Variants in PTPRN2 observed in about 807,000 individuals in gnomAD.
The protein encoded by PTPRN2 is receptor-type tyrosine-protein phosphatase N2.
PTPRN2 carries 74 observed loss-of-function variants against 118.8 expected under a neutral mutation model. The ratio of observed to expected loss-of-function variants is 0.62; its 90% CI spans 0.52 to 0.76. PTPRN2 has a LOEUF of 0.76. Ranked by LOEUF, PTPRN2 falls within the 30% of genes least tolerant of loss-of-function variation. The pLI, the probability that PTPRN2 is intolerant of heterozygous loss-of-function variation, is 0.00. For synonymous variants in PTPRN2, 641 were observed against 608.0 expected (o/e 1.05, Z -0.80); for missense variants, 1,481 against 1,394.4 (o/e 1.06, Z -0.99).
intron 11 of PTPRN2, among the ~76,000 whole-genome samples, chr7:157,923,881 A>C (rs1469779176): frequency 6.6e-6 from 1 of 152,184 alleles, no homozygotes; most frequent in East Asian, 1.9e-4. Flanking sequence ...AATGGTTGCT[A>C]ACATATCTAC....
At chr7:158,004,833 C>G (rs1805531063) in intron 11 of PTPRN2, among the ~76,000 whole-genome samples, 1 of 152,182 alleles carries the variant, frequency 6.6e-6, no homozygotes. Context: ...CAAATTTCAT[C>G]TTTAAAATGC....
At chr7:158,266,625 A>C (rs916051137) in intron 3 of PTPRN2, among the ~76,000 whole-genome samples, 1 of 152,156 alleles carries the variant, frequency 6.6e-6, no homozygotes, top group Non-Finnish European at 1.5e-5. Context: ...TGACAGAGGG[A>C]CCCAGCAGCA....
At position 157,744,438 on chromosome 7, in the gene PTPRN2, C is replaced by T. The variant is rs556901507; in HGVS notation, c.1789-61501G>A. Among the ~76,000 whole-genome samples the T allele has an allele frequency of 1.1e-4, 17 of 152,212 alleles. No individual in the cohort carries two copies. The South Asian group carries it at 2.3e-3, about 20-fold the overall frequency. ...ATCCCAGCATCGGGCCGTGATGTGCCGTCCATTACACAACGATGGAATCTG... is the reference window on the plus strand; with the variant it reads ...ATCCCAGCATCGGGCCGTGATGTGCTGTCCATTACACAACGATGGAATCTG... On this transcript the variant is annotated intron_variant, in intron 12 of 22. Coordinates refer to ENST00000389418, the MANE Select transcript of PTPRN2 (RefSeq NM_002847.5).
intron 6 of PTPRN2, among the ~76,000 whole-genome samples, chr7:158,152,173 CA>C (rs56870265): frequency 1.2e-5 from 1 of 83,378 alleles, no homozygotes; most frequent in Non-Finnish European, 2.2e-5. Context: ...GACTCTGTCT[CA>C]AAAAAAAAAA....
intron 3 of PTPRN2, among the ~76,000 whole-genome samples, chr7:158,214,996 A>G (rs1827860150): frequency 6.6e-6 from 1 of 152,248 alleles, no homozygotes; most frequent in Admixed American, 6.5e-5. Context: ...AGAACAAAGA[A>G]GATCACAAAA....
chr7:158,150,414 C>G (rs911579959), intron 6 of PTPRN2, among the ~76,000 whole-genome samples: 7 of 152,196 alleles, frequency 4.6e-5, no homozygotes, highest in African/African-American at 1.7e-4. Context: ...CCACCCTCAG[C>G]AGCTCGAAAA....
rs146904575 is a variant in PTPRN2 at position 158,061,593 on chromosome 7, G to T, written c.1723+19705C>A. 2.4e-3 allele frequency among the ~76,000 whole-genome samples: 366 copies of T among 152,314 alleles called. 2 individuals carry two copies. Among genetic ancestry groups the T allele is most frequent in the Admixed American group, 7.1e-3 (108 of 15,306 alleles). ...AGTGGTGTCCACAATTACTTGTGTCGTCCGTGAGCACACTGGCTGTGGACG... is the reference window on the plus strand; with the variant it reads ...AGTGGTGTCCACAATTACTTGTGTCTTCCGTGAGCACACTGGCTGTGGACG... On this transcript the variant is annotated intron_variant, in intron 11 of 22. Transcript: ENST00000389418.
chr7:158,081,229 C>T (rs575712064), intron 11 of PTPRN2, 69 bp downstream of exon 11: 40 of 1,409,282 alleles, frequency 2.8e-5, no homozygotes, highest in Middle Eastern at 2.0e-4. Flanking sequence ...TGTGCATGTG[C>T]GTGTTTGCGT....
chr7:157,611,459 A>C lies in PTPRN2; in HGVS notation c.2345-7384T>G, dbSNP rs1388000708. On this transcript the variant is annotated intron_variant, in intron 15 of 22. Coordinates refer to ENST00000389418, the MANE Select transcript of PTPRN2 (RefSeq NM_002847.5). This position sits in a 1 kb window ranked among gnomAD's most constrained non-coding sequence, Gnocchi z 5.9. ...AAGGTGTGTGGGGGTTGCCGTGGCC[A>C]GGCAGCGCCCGCCCAGTCACTGAGC... Among the ~76,000 whole-genome samples, 4 of 152,184 alleles carry C rather than the reference A, an allele frequency of 2.6e-5. No individual in the cohort carries two copies. Among genetic ancestry groups the C allele is most frequent in the Admixed American group, 6.5e-5 (1 of 15,290 alleles).
At chr7:158,340,958 A>T (rs1440886575) in intron 2 of PTPRN2, among the ~76,000 whole-genome samples, 7 of 82,086 alleles carry the variant, frequency 8.5e-5, no homozygotes, top group East Asian at 4.0e-4. Flanking sequence ...ATAAGAGCTG[A>T]CGCCCGCAGA....
chr7:158,333,104 C>T (rs1417166555), intron 2 of PTPRN2, among the ~76,000 whole-genome samples: 1 of 118,600 alleles, frequency 8.4e-6, no homozygotes, highest in Non-Finnish European at 1.7e-5. Flanking sequence ...ACGCTCTCAC[C>T]ATAAGAAGTG....
intron 3 of PTPRN2, among the ~76,000 whole-genome samples, chr7:158,275,736 C>T (rs1349540602): frequency 6.6e-6 from 1 of 152,158 alleles, no homozygotes; most frequent in Non-Finnish European, 1.5e-5. Flanking sequence ...CCCTGCGCAC[C>T]TCCACGTGTG....
At chr7:157,721,401 T>C (rs112030041) in intron 12 of PTPRN2, among the ~76,000 whole-genome samples, 4 of 152,366 alleles carry the variant, frequency 2.6e-5, no homozygotes, top group African/African-American at 9.6e-5. Context: ...CACTTCATTC[T>C]TTGCACATCT....
chr7:158,143,820 A>C (rs1819619229), intron 6 of PTPRN2, among the ~76,000 whole-genome samples: 2 of 152,206 alleles, frequency 1.3e-5, no homozygotes, highest in Admixed American at 6.5e-5. Context: ...CCAAAAGGAC[A>C]AAAGGACTCT....
intron 11 of PTPRN2, among the ~76,000 whole-genome samples, chr7:157,906,525 C>A (rs942789218): frequency 1.3e-5 from 2 of 152,230 alleles, no homozygotes; most frequent in African/African-American, 4.8e-5. Context: ...GTGGACAATC[C>A]CGGACTGGGC....
chr7:157,797,200 C>T (rs542322850), intron 12 of PTPRN2, among the ~76,000 whole-genome samples: 1 of 152,292 alleles, frequency 6.6e-6, no homozygotes, highest in African/African-American at 2.4e-5. Flanking sequence ...ATGTAGGATC[C>T]GTGAAACCTC....
At chr7:158,229,447 G>T (rs116917996) in intron 3 of PTPRN2, among the ~76,000 whole-genome samples, 1 of 151,864 alleles carries the variant, frequency 6.6e-6, no homozygotes, top group African/African-American at 2.4e-5. Flanking sequence ...GTGAGTTCTC[G>T]GACCAAGAAT....
At chr7:158,320,379 C>A (rs1009055848) in intron 2 of PTPRN2, among the ~76,000 whole-genome samples, 3 of 152,238 alleles carry the variant, frequency 2.0e-5, no homozygotes, top group Non-Finnish European at 2.9e-5. Context: ...AGTGGCCGTG[C>A]CATTTTTCAC....
chr7:157,924,925 G>A (rs1382011063), intron 11 of PTPRN2, among the ~76,000 whole-genome samples: 1 of 114,924 alleles, frequency 8.7e-6, no homozygotes, highest in African/African-American at 3.5e-5. Flanking sequence ...CATTTAGCAC[G>A]TCAGGCAAAT....
Sources: gnomAD v4.1 joint callset for allele counts (sites outside exome capture counted in the v4.1 genomes callset) on GRCh38, gnomAD v4.1.1 for gene constraint, Gnocchi (gnomAD v3.1) non-coding constraint, MANE v1.5 for transcripts, NCBI Gene and HGNC (gene_info 2026-07-23, HGNC 2026-07-21) for gene names.